Variants in USH2A observed in about 807,000 individuals in gnomAD.
USH2A encodes usherin.
USH2A carries 443 observed loss-of-function variants against 538.9 expected under a neutral mutation model. The ratio of observed to expected loss-of-function variants is 0.82; its 90% confidence interval spans 0.76 to 0.89. The LOEUF (loss-of-function observed/expected upper bound fraction) is 0.89, where lower values mean the gene tolerates loss of function less well. Among genes scored for constraint, USH2A ranks in the 40% least tolerant of loss-of-function variants. The pLI, the probability that USH2A is intolerant of heterozygous loss-of-function variation, is 0.00. For synonymous variants in USH2A, 2,413 were observed against 2,273.5 expected (o/e 1.06, Z -1.75); for missense variants, 6,633 against 6,324.8 (o/e 1.05, Z -1.65).
At chr1:215,777,295 C>A (rs1175626242) in intron 55 of USH2A, among the ~76,000 whole-genome samples, 1 of 152,090 alleles carries the variant, frequency 6.6e-6, no homozygotes, top group Non-Finnish European at 1.5e-5. Context: ...AGAGAAAAAT[C>A]TTTGCAATTA....
intron 47 of USH2A, among the ~76,000 whole-genome samples, chr1:215,835,676 C>T (rs921868085): frequency 3.9e-5 from 6 of 151,930 alleles, no homozygotes; most frequent in African/African-American, 1.5e-4. Flanking sequence ...TAAACCCTAC[C>T]CTCTCTCCTC....
chr1:216,258,285 C>T (rs1357739810), intron 11 of USH2A, among the ~76,000 whole-genome samples: 2 of 152,080 alleles, frequency 1.3e-5, no homozygotes, highest in African/African-American at 4.8e-5. Flanking sequence ...ACTGTTGAGG[C>T]TAGACCCTTT....
chr1:215,772,702 A>G (rs1347236402), intron 55 of USH2A, among the ~76,000 whole-genome samples: 1 of 152,244 alleles, frequency 6.6e-6, no homozygotes, highest in African/African-American at 2.4e-5. Flanking sequence ...AATAGTCAAA[A>G]AAAGGCACTT....
In USH2A at chr1:215,854,294, C is replaced by A. The variant is rs1664098067; in HGVS notation, c.8846-8261G>T. The stretch of plus-strand genomic sequence containing the variant: ...ATGAGAATAGCATAGGAAAGACCCA[C>A]CCTATGATTCAATTATCTCCCACTG... On this transcript the variant is annotated intron_variant, in intron 44 of 71. Transcript: ENST00000307340. 2.6e-5 allele frequency among the ~76,000 whole-genome samples: 4 copies of A among 152,266 alleles called. No individual in the cohort carries two copies. The South Asian group carries it at 8.3e-4, about 32-fold the overall frequency.
intron 58 of USH2A, 75 bp downstream of exon 58, chr1:215,758,520 A>T (rs769261773): frequency 1.1e-4 from 160 of 1,518,384 alleles, no homozygotes; most frequent in Non-Finnish European, 1.4e-4. Context: ...CTAAATTAAC[A>T]GTTCTATTCT....
intron 21 of USH2A, among the ~76,000 whole-genome samples, chr1:216,140,687 C>T (rs1425017469): frequency 6.6e-6 from 1 of 152,176 alleles, no homozygotes; most frequent in African/African-American, 2.4e-5. Flanking sequence ...ATCAAAGTGA[C>T]ATCTGTCAGA....
At chr1:215,636,649 G>C (rs1197260898) in intron 69 of USH2A, among the ~76,000 whole-genome samples, 1 of 152,166 alleles carries the variant, frequency 6.6e-6, no homozygotes, top group Non-Finnish European at 1.5e-5. Flanking sequence ...CGCAGGGGAA[G>C]GGAGGGCAGC....
At chr1:216,063,890 A>G (rs1196856406) in intron 30 of USH2A, among the ~76,000 whole-genome samples, 1 of 152,238 alleles carries the variant, frequency 6.6e-6, no homozygotes, top group African/African-American at 2.4e-5. Context: ...CCAAATTTCT[A>G]TAGACTACTA....
chr1:215,853,091 T>C (rs1440030252), intron 44 of USH2A, among the ~76,000 whole-genome samples: 1 of 152,254 alleles, frequency 6.6e-6, no homozygotes, highest in East Asian at 1.9e-4. Context: ...ACATAGGTTT[T>C]CCATGAGTGC....
At chr1:215,905,065 A>C (rs1039636030) in intron 38 of USH2A, among the ~76,000 whole-genome samples, 1 of 152,100 alleles carries the variant, frequency 6.6e-6, no homozygotes, top group Non-Finnish European at 1.5e-5. Context: ...CAAACGAAAA[A>C]ATATAAAATG....
chr1:216,050,859 C>A (rs2030758033), intron 30 of USH2A, among the ~76,000 whole-genome samples: 1 of 151,890 alleles, frequency 6.6e-6, no homozygotes, highest in Non-Finnish European at 1.5e-5. Flanking sequence ...CCCGCCTCGG[C>A]CTCCCAAAGT....
chr1:216,258,623 G>A (rs1028440374), intron 11 of USH2A, among the ~76,000 whole-genome samples: 9 of 152,120 alleles, frequency 5.9e-5, no homozygotes, highest in East Asian at 1.9e-4. Context: ...TCCCTAAGTC[G>A]TGGTCTAGAA....
intron 41 of USH2A, chr1:215,886,561 T>G (rs1665062175): frequency 6.6e-6 from 1 of 152,212 alleles, no homozygotes; most frequent in African/African-American, 2.4e-5. Context: ...ATTACTAGTG[T>G]ACCATGTTCA....
At chr1:216,112,171 GC>G (rs1354747942) in intron 21 of USH2A, among the ~76,000 whole-genome samples, 1 of 151,894 alleles carries the variant, frequency 6.6e-6, no homozygotes, top group Non-Finnish European at 1.5e-5. Flanking sequence ...AAATATGAGC[GC>G]CCTGGAATGA....
At chr1:216,096,680 A>T (rs2032448860) in intron 22 of USH2A, among the ~76,000 whole-genome samples, 1 of 152,210 alleles carries the variant, frequency 6.6e-6, no homozygotes, top group Non-Finnish European at 1.5e-5. Flanking sequence ...GTACCATAGT[A>T]CCCGATAGCC....
intron 44 of USH2A, among the ~76,000 whole-genome samples, chr1:215,864,627 A>G (rs933524634): frequency 6.6e-6 from 1 of 152,128 alleles, no homozygotes; most frequent in Non-Finnish European, 1.5e-5. Flanking sequence ...CTTTATGTAT[A>G]ATTCTTAAAT....
chr1:215,844,372 C>A lies in USH2A; in HGVS notation c.9180G>T (p.Lys3060Asn), dbSNP rs767271540. ...VTEYSIYVNN[K>N]LYKTGMNVPG... Reference sequence around the variant, plus strand: ...GCACATTCATTCCAGTCTTGTAGAGCTTATTATTTACATAGATAGAATACT... The same window carrying A: ...GCACATTCATTCCAGTCTTGTAGAGATTATTATTTACATAGATAGAATACT... The change falls in exon 46 of 72, where the codon AAG becomes AAT. Residue 3060 changes from lysine (K) to asparagine (N), a missense_variant. Lys to Asn is a moderately conservative substitution (Grantham distance 94). Coordinates refer to ENST00000307340, the MANE Select transcript of USH2A (RefSeq NM_206933.4). The A allele has an allele frequency of 1.9e-6, 3 of 1,613,664 alleles. No homozygotes were observed. Among genetic ancestry groups the A allele is most frequent in the African/African-American group, 2.7e-5 (2 of 74,900 alleles).
chr1:216,165,066 C>T (rs1008327651), intron 21 of USH2A, among the ~76,000 whole-genome samples: 1 of 152,096 alleles, frequency 6.6e-6, no homozygotes, highest in Admixed American at 6.6e-5. Flanking sequence ...AACTAGACTG[C>T]CAACATCAAT....
chr1:216,231,850 G>C (rs2035701889), intron 14 of USH2A, 103 bp downstream of exon 14: 1 of 1,442,086 alleles, frequency 6.9e-7, no homozygotes, highest in African/African-American at 1.4e-5. Flanking sequence ...ACCAAGCCGG[G>C]CAAAAAAAAT....
Sources: allele counts gnomAD v4.1 joint callset (sites outside exome capture counted in the v4.1 genomes callset), GRCh38; gene constraint gnomAD v4.1.1; transcripts MANE v1.5; gene names NCBI Gene and HGNC (gene_info 2026-07-23, HGNC 2026-07-21).